The following APBB2 variants were observed in gnomAD, a reference collection of about 807,000 sequenced individuals.
The protein encoded by APBB2 is Fe65-like 1.
APBB2 carries 38 observed loss-of-function variants against 82.5 expected under a neutral mutation model. The observed-to-expected ratio is 0.46, with a 90% CI of 0.36 to 0.60. The LOEUF is 0.60. APBB2 is among the 20% of genes least tolerant of loss of function. APBB2 has a pLI of 0.00. For synonymous variants in APBB2, 341 were observed against 368.2 expected (o/e 0.93, Z 0.85); for missense variants, 772 against 972.3 (o/e 0.79, Z 2.74).
chr4:40,872,784 G>A (rs1681850712), intron 12 of APBB2, among the ~76,000 whole-genome samples: 1 of 150,732 alleles, frequency 6.6e-6, no homozygotes, highest in African/African-American at 2.4e-5. Context: ...AATGATAAAG[G>A]TTAAAAAAAA....
At chr4:41,015,487 C>G (rs1429579832) in intron 5 of APBB2, among the ~76,000 whole-genome samples, 1 of 152,202 alleles carries the variant, frequency 6.6e-6, no homozygotes, top group Non-Finnish European at 1.5e-5. Context: ...TCTTCCTCCC[C>G]CAGGCAAAAC....
chr4:40,873,337 A>G lies in APBB2; in HGVS notation c.1529+17027T>C, dbSNP rs528088852. ...TTTAAACCTTATCTTTTATTTAAAA[A>G]AAATTTTCCCTCTTAATTTTCAATC... On this transcript the variant is annotated intron_variant, in intron 12 of 17. Coordinates refer to ENST00000508593, the MANE Select transcript of APBB2 (RefSeq NM_004307.2). 4.6e-5 allele frequency among the ~76,000 whole-genome samples: 7 copies of G among 152,314 alleles called. No homozygotes were observed. The South Asian group carries it at 1.5e-3, about 32-fold the overall frequency.
intron 6 of APBB2, among the ~76,000 whole-genome samples, chr4:40,966,662 T>C (rs1208885487): frequency 6.6e-6 from 1 of 152,198 alleles, no homozygotes; most frequent in African/African-American, 2.4e-5. Flanking sequence ...GATGGGCATG[T>C]GCGTGCTTGA....
intron 1 of APBB2, among the ~76,000 whole-genome samples, chr4:41,153,607 A>T (rs1762790093): frequency 6.6e-6 from 1 of 152,180 alleles, no homozygotes; most frequent in Non-Finnish European, 1.5e-5. Flanking sequence ...TTAATCTTCA[A>T]GGCCAAGTCA....
At chr4:41,029,897 C>T (rs1290610799) in intron 5 of APBB2, among the ~76,000 whole-genome samples, 7 of 152,120 alleles carry the variant, frequency 4.6e-5, no homozygotes, top group Non-Finnish European at 7.4e-5. Context: ...TGGTTCATGC[C>T]TGTAATCCTA....
chr4:41,137,830 T>C (rs963255454), intron 2 of APBB2, among the ~76,000 whole-genome samples: 1 of 152,044 alleles, frequency 6.6e-6, no homozygotes, highest in African/African-American at 2.4e-5. Flanking sequence ...AAGATAAACA[T>C]AGACCCAAAC....
intron 10 of APBB2, among the ~76,000 whole-genome samples, chr4:40,925,923 C>A (rs1782503813): frequency 6.6e-6 from 1 of 152,170 alleles, no homozygotes; most frequent in South Asian, 2.1e-4. Flanking sequence ...TCAGAAAGCT[C>A]CGTCAAACCT....
rs1327390096 is a variant in APBB2, at chr4:40,887,691, A to G, written c.1529+2673T>C. ...CACACTTTTAAAATTTACCGTTTCC[A>G]TGCCAATCCAGCTGAAGGCAGCCAC... On this transcript the variant is annotated intron_variant, in intron 12 of 17. Transcript: ENST00000508593. Among the ~76,000 whole-genome samples, 5 of 152,188 alleles carry G rather than the reference A, an allele frequency of 3.3e-5. No homozygotes were observed. The East Asian group carries it at 9.6e-4, about 29-fold the overall frequency.
intron 12 of APBB2, among the ~76,000 whole-genome samples, chr4:40,887,719 C>T (rs986076344): frequency 3.3e-5 from 5 of 152,310 alleles, no homozygotes; most frequent in South Asian, 2.1e-4. Flanking sequence ...GCAGCCACAA[C>T]CCCATGATCT....
In APBB2 at chr4:40,814,356, T is replaced by C. The variant is rs1053046970; in HGVS notation, c.*1736A>G. The C allele has an allele frequency of 9.2e-5, 14 of 151,422 alleles. No homozygotes were observed. Among genetic ancestry groups the C allele is most frequent in the African/African-American group, 3.4e-4 (14 of 41,194 alleles). The allele number at this position is 151,422 out of a possible 1,614,324, so 9.4% of individuals were successfully genotyped here. A position where few individuals can be genotyped will look rare whatever the true frequency, so the allele number is the denominator to read the frequency against. ...CTTTCCATACCTGCTCTTCTTAGTA[T>C]ATGCCCAGAATCATTCTGGAAAGGC... On this transcript the variant is annotated 3_prime_UTR_variant, in exon 18 of 18. Transcript: ENST00000508593.
intron 7 of APBB2, among the ~76,000 whole-genome samples, chr4:40,944,441 C>T (rs754757078): frequency 3.9e-5 from 6 of 152,160 alleles, no homozygotes; most frequent in East Asian, 1.9e-4. Context: ...ATTCCCTCCA[C>T]GCTATCAAAC....
chr4:40,953,296 CAAAA>C (rs35104971), intron 6 of APBB2, among the ~76,000 whole-genome samples: 1 of 95,308 alleles, frequency 1.0e-5, no homozygotes. Context: ...AACTCCATCT[CAAAA>C]AAAAAAAAAA....
chr4:41,132,443 T>C (rs1414827395), intron 2 of APBB2, among the ~76,000 whole-genome samples: 1 of 152,222 alleles, frequency 6.6e-6, no homozygotes, highest in Admixed American at 6.5e-5. Context: ...GCATCAGTCA[T>C]TACTTCAAGT....
chr4:41,007,461 A>G (rs1807074627), intron 6 of APBB2, among the ~76,000 whole-genome samples: 1 of 152,178 alleles, frequency 6.6e-6, no homozygotes, highest in Middle Eastern at 3.2e-3. Flanking sequence ...ATCTCAATCC[A>G]AGGCAAAGCG....
intron 10 of APBB2, among the ~76,000 whole-genome samples, chr4:40,916,566 T>C (rs750153807): frequency 4.6e-5 from 7 of 152,168 alleles, no homozygotes; most frequent in African/African-American, 1.4e-4. Flanking sequence ...TGTAGACTTA[T>C]GTGGTTGGAT....
intron 3 of APBB2, among the ~76,000 whole-genome samples, chr4:41,080,700 T>TC (rs1737287904): frequency 7.2e-6 from 1 of 139,830 alleles, no homozygotes; most frequent in Admixed American, 7.0e-5. Context: ...AAATGCTCCT[T>TC]TTTTTTTTTT....
chr4:40,846,014 G>C (rs868371958), intron 12 of APBB2, among the ~76,000 whole-genome samples: 415 of 29,394 alleles, frequency 0.014, 6 homozygotes, highest in African/African-American at 0.048. Context: ...GGTGTGAGTG[G>C]GGTGTGTGTG....
intron 12 of APBB2, among the ~76,000 whole-genome samples, chr4:40,841,657 A>G (rs570740205): frequency 2.6e-5 from 4 of 152,092 alleles, no homozygotes; most frequent in African/African-American, 4.8e-5. Flanking sequence ...AATATGTAAT[A>G]TAAGCACTAA....
chr4:40,935,185 AG>A (rs1299737953), intron 7 of APBB2, 46 bp from the exon 8 acceptor site: 1 of 1,281,872 alleles, frequency 7.8e-7, no homozygotes, highest in African/African-American at 1.7e-5. Flanking sequence ...ATTGATTTAA[AG>A]AAAAAGAAAA....
Sources: gnomAD v4.1 joint callset for allele counts (sites outside exome capture counted in the v4.1 genomes callset) on GRCh38, gnomAD v4.1.1 for gene constraint, MANE v1.5 for transcripts, NCBI Gene and HGNC (gene_info 2026-07-23, HGNC 2026-07-21) for gene names.